Variants in CHL1 observed in about 807,000 individuals in gnomAD.
The protein encoded by CHL1 is cell adhesion molecule L1 like, also known as neural cell adhesion molecule L1-like protein.
In CHL1, 96 loss-of-function variants were observed where a neutral mutation model predicts 141.9. The observed-to-expected ratio is 0.68, with a 90% confidence interval of 0.57 to 0.80. The LOEUF is 0.80. CHL1 is among the 30% of genes least tolerant of loss of function. The probability of loss-of-function intolerance (pLI) is 0.00; values close to 1 mark genes in which losing one functional copy is unlikely to be tolerated. For synonymous variants in CHL1, 613 were observed against 502.2 expected (o/e 1.22, Z -2.95); for missense variants, 1,820 against 1,457.2 (o/e 1.25, Z -4.05).
At chr3:300,508 A>G (rs1416357656) in intron 2 of CHL1, among the ~76,000 whole-genome samples, 4 of 152,116 alleles carry the variant, frequency 2.6e-5, no homozygotes, top group Admixed American at 6.6e-5. Context: ...AATTTTTACT[A>G]TATTTCTTCA....
chr3:330,489 T>C (rs1180246384), intron 5 of CHL1, among the ~76,000 whole-genome samples: 3 of 151,888 alleles, frequency 2.0e-5, no homozygotes, highest in African/African-American at 7.3e-5. Flanking sequence ...AGGGAGAAAA[T>C]AGTATAAAAG....
chr3:295,158 C>A (rs1215606073), intron 2 of CHL1, among the ~76,000 whole-genome samples: 1 of 151,804 alleles, frequency 6.6e-6, no homozygotes, highest in Non-Finnish European at 1.5e-5. Context: ...GCCTCCCAAT[C>A]CCCCTCCCAA....
chr3:360,044 C>A (rs982499978), intron 11 of CHL1, among the ~76,000 whole-genome samples: 1 of 151,994 alleles, frequency 6.6e-6, no homozygotes, highest in African/African-American at 2.4e-5. Context: ...CTGGGAGGTC[C>A]AGATGAGCAG....
chr3:227,522 T>G (rs552281829), intron 1 of CHL1, among the ~76,000 whole-genome samples: 1 of 152,206 alleles, frequency 6.6e-6, no homozygotes, highest in Non-Finnish European at 1.5e-5. Flanking sequence ...GTGATATGCA[T>G]GTGGAGAACA....
chr3:353,771 G>GA (rs1157546323), intron 10 of CHL1, among the ~76,000 whole-genome samples: 1 of 152,070 alleles, frequency 6.6e-6, no homozygotes, highest in African/African-American at 2.4e-5. Context: ...TATCTTTGGG[G>GA]AAATAACCAA....
At chr3:247,581 G>A (rs1328779704) in intron 2 of CHL1, 1 of 152,064 alleles carries the variant, frequency 6.6e-6, no homozygotes, top group African/African-American at 2.4e-5. Context: ...TCACTTTCTG[G>A]ACACTTTCTG....
chr3:245,614 T>C (rs1693091111), intron 2 of CHL1, among the ~76,000 whole-genome samples: 3 of 152,146 alleles, frequency 2.0e-5, no homozygotes, highest in Non-Finnish European at 4.4e-5. Flanking sequence ...GAATATGCAC[T>C]CCAGAAGAAA....
At chr3:401,760 A>G in intron 27 of CHL1, 62 bp downstream of exon 27, 3 of 944,158 alleles carry the variant, frequency 3.2e-6, no homozygotes, top group Middle Eastern at 2.6e-4. Context: ...GCTTAAGTGA[A>G]CAAAAAGGTG....
chr3:393,247 A>AAAAAAAAAG (rs1708394943), intron 23 of CHL1, among the ~76,000 whole-genome samples: 3 of 149,958 alleles, frequency 2.0e-5, no homozygotes, highest in African/African-American at 2.4e-5. Context: ...AAAAAAAAAA[A>AAAAAAAAAG]GTGTTAAGAA....
chr3:218,786 C>T (rs888248781), intron 1 of CHL1, among the ~76,000 whole-genome samples: 2 of 152,066 alleles, frequency 1.3e-5, no homozygotes, highest in African/African-American at 4.8e-5. Context: ...AAAGAGAACA[C>T]GTTTCATGCA....
chr3:340,633 T>A (rs1252430290), intron 5 of CHL1, among the ~76,000 whole-genome samples, 161 bp from the exon 6 acceptor site: 1 of 152,176 alleles, frequency 6.6e-6, no homozygotes, highest in Non-Finnish European at 1.5e-5. Flanking sequence ...ACCAGTTTCT[T>A]AATAGTATTT....
At chr3:319,966 A>G (rs980254435) in intron 3 of CHL1, 99 bp downstream of exon 3, 1 of 656,064 alleles carries the variant, frequency 1.5e-6, no homozygotes, top group Non-Finnish European at 2.6e-6. Context: ...CTTTTCTACC[A>G]TATTTCTATA....
chr3:301,087 T>C (rs1698685703), intron 2 of CHL1, among the ~76,000 whole-genome samples: 2 of 152,186 alleles, frequency 1.3e-5, no homozygotes, highest in Non-Finnish European at 2.9e-5. Flanking sequence ...AGGTTTCCAT[T>C]TTTTAAAAAT....
chr3:391,273 T>C, intron 22 of CHL1, 114 bp downstream of exon 22: 2 of 829,970 alleles, frequency 2.4e-6, no homozygotes, highest in Non-Finnish European at 1.9e-6. Flanking sequence ...CCCAGCACTT[T>C]GGGAGGCCAA....
intron 1 of CHL1, among the ~76,000 whole-genome samples, chr3:198,993 G>T (rs1006033): frequency 1.3e-5 from 2 of 152,066 alleles, no homozygotes; most frequent in Non-Finnish European, 2.9e-5. Flanking sequence ...GTTTATCCCA[G>T]AGTTTTTCTT....
chr3:232,200 G>A (rs564218877), intron 1 of CHL1, among the ~76,000 whole-genome samples: 1 of 152,114 alleles, frequency 6.6e-6, no homozygotes, highest in Non-Finnish European at 1.5e-5. Context: ...ATCTCATTCT[G>A]TGTATTGGCA....
chr3:327,667 T>C (rs1322968897), intron 4 of CHL1, among the ~76,000 whole-genome samples: 2 of 151,978 alleles, frequency 1.3e-5, no homozygotes, highest in African/African-American at 4.8e-5. Context: ...AAATTGTCTT[T>C]AGTATCATTA....
intron 2 of CHL1, among the ~76,000 whole-genome samples, chr3:277,556 C>A (rs1189971885): frequency 6.6e-6 from 1 of 152,126 alleles, no homozygotes; most frequent in Non-Finnish European, 1.5e-5. Context: ...TGACCAATTG[C>A]TTCCGTTTTA....
intron 2 of CHL1, among the ~76,000 whole-genome samples, chr3:311,399 C>A (rs1699740030): frequency 6.7e-6 from 1 of 149,712 alleles, no homozygotes; most frequent in African/African-American, 2.5e-5. Context: ...CATACTATAG[C>A]ATCAGTATCT....
Sources: allele counts gnomAD v4.1 joint callset (sites outside exome capture counted in the v4.1 genomes callset), GRCh38; gene constraint gnomAD v4.1.1; transcripts MANE v1.5; gene names NCBI Gene and HGNC (gene_info 2026-07-23, HGNC 2026-07-21).